SLC25A21: variants seen among roughly 807,000 people sequenced by gnomAD.
SLC25A21 encodes the protein mitochondrial 2-oxodicarboxylate carrier.
Under a neutral mutation model 43.8 loss-of-function variants are expected in SLC25A21, and 47 were observed. That is an observed-to-expected ratio of 1.07 (90% CI 0.85 to 1.37). The LOEUF (loss-of-function observed/expected upper bound fraction) is 1.37. Among genes scored for constraint, SLC25A21 ranks in the 40% most tolerant of loss-of-function variants. SLC25A21 has a pLI of 0.00. For missense variants in SLC25A21, 352 were observed against 350.2 expected (o/e 1.00, Z -0.04); for synonymous variants, 131 against 121.3 (o/e 1.08, Z -0.52).
chr14:37,000,004 G>A (rs563045309), intron 1 of SLC25A21, among the ~76,000 whole-genome samples: 15 of 152,222 alleles, frequency 9.9e-5, no homozygotes, highest in East Asian at 7.7e-4. Flanking sequence ...AATAGTGAAC[G>A]AATAAATGAA....
At chr14:36,837,914 C>G (rs1566661929) in intron 2 of SLC25A21, among the ~76,000 whole-genome samples, 1 of 152,200 alleles carries the variant, frequency 6.6e-6, no homozygotes, top group Non-Finnish European at 1.5e-5. Context: ...AGTGCCGGGA[C>G]AGCAGGGTCT....
chr14:37,019,005 T>G (rs574379144), intron 1 of SLC25A21, among the ~76,000 whole-genome samples: 38 of 152,146 alleles, frequency 2.5e-4, no homozygotes, highest in African/African-American at 9.1e-4. Flanking sequence ...CTCCATCCTC[T>G]GCAATTGCAT....
chr14:37,057,202 G>T (rs2138806712), intron 1 of SLC25A21, among the ~76,000 whole-genome samples: 1 of 152,164 alleles, frequency 6.6e-6, no homozygotes, highest in East Asian at 1.9e-4. Context: ...ACTATTTTTA[G>T]CTTTTGCAGT....
chr14:36,962,287 A>G (rs1414865243), intron 1 of SLC25A21, among the ~76,000 whole-genome samples: 1 of 152,210 alleles, frequency 6.6e-6, no homozygotes, highest in Non-Finnish European at 1.5e-5. Flanking sequence ...ACGGTGAAGC[A>G]GATTAACATC....
chr14:36,701,756 A>G (rs1460070519), intron 7 of SLC25A21, among the ~76,000 whole-genome samples: 3 of 152,202 alleles, frequency 2.0e-5, no homozygotes, highest in Non-Finnish European at 4.4e-5. Context: ...TATTATATAG[A>G]ATACAGGAAA....
At chr14:36,864,751 C>T (rs989676662) in intron 2 of SLC25A21, among the ~76,000 whole-genome samples, 4 of 152,150 alleles carry the variant, frequency 2.6e-5, no homozygotes, top group African/African-American at 9.7e-5. Flanking sequence ...ACTTCAGAAA[C>T]ATTCTATCCA....
intron 7 of SLC25A21, among the ~76,000 whole-genome samples, chr14:36,697,026 T>C (rs1158487892): frequency 6.6e-6 from 1 of 152,366 alleles, no homozygotes; most frequent in South Asian, 2.1e-4. Flanking sequence ...AGATCTTTCC[T>C]GCTTTCTCTT....
At chr14:36,742,411 C>T (rs557772499) in intron 3 of SLC25A21, among the ~76,000 whole-genome samples, 1 of 152,212 alleles carries the variant, frequency 6.6e-6, no homozygotes, top group Non-Finnish European at 1.5e-5. Context: ...ACACTACACA[C>T]TACACACTAC....
chr14:37,012,063 G>A (rs182599938), intron 1 of SLC25A21, among the ~76,000 whole-genome samples: 1 of 152,170 alleles, frequency 6.6e-6, no homozygotes. Flanking sequence ...TAGTCAGCTG[G>A]GCTATGCTCT....
chr14:37,151,697 TC>T (rs1013208454), intron 1 of SLC25A21, among the ~76,000 whole-genome samples: 1 of 152,198 alleles, frequency 6.6e-6, no homozygotes, highest in African/African-American at 2.4e-5. Flanking sequence ...TCTGTGTCTG[TC>T]ATCAGCCTTG....
At chr14:36,970,539 G>C (rs1046313428) in intron 1 of SLC25A21, among the ~76,000 whole-genome samples, 2 of 152,136 alleles carry the variant, frequency 1.3e-5, no homozygotes, top group Non-Finnish European at 2.9e-5. Context: ...AGGGAATTAA[G>C]TCAACAATTA....
At chr14:37,121,567 C>A (rs1239196838) in intron 1 of SLC25A21, among the ~76,000 whole-genome samples, 1 of 152,096 alleles carries the variant, frequency 6.6e-6, no homozygotes, top group Non-Finnish European at 1.5e-5. Context: ...GTGGGCAGAT[C>A]ACTTGAGGCC....
chr14:36,864,977 C>A (rs1452550229), intron 2 of SLC25A21, among the ~76,000 whole-genome samples: 1 of 151,532 alleles, frequency 6.6e-6, no homozygotes, highest in Non-Finnish European at 1.5e-5. Context: ...CCATCCTCAC[C>A]TTTTCCTTGT....
At chr14:37,129,454 G>A (rs550969593) in intron 1 of SLC25A21, among the ~76,000 whole-genome samples, 8 of 152,190 alleles carry the variant, frequency 5.3e-5, no homozygotes, top group South Asian at 2.1e-4. Flanking sequence ...CAATGATCCC[G>A]ATTTACCCAG....
In SLC25A21 at chr14:36,680,038, T is replaced by C; in HGVS notation, c.*620A>G. On this transcript the variant is annotated 3_prime_UTR_variant, in exon 10 of 10. Transcript: ENST00000331299. ...AGCAATATGAGATATAAAGTAGATG[T>C]AGGAAAATAGAGCTGATATGTGCAT... is the stretch of plus-strand genomic sequence containing the variant. 1 of 862,380 alleles carries C rather than the reference T, an allele frequency of 1.2e-6. No homozygotes were observed. The highest frequency in any genetic ancestry group is 1.4e-6 in the Non-Finnish European group (1 of 720,458). 53.4% of individuals were successfully genotyped at this position (862,380 alleles called of 1,614,324 possible).
chr14:37,074,144 T>A (rs906870312), intron 1 of SLC25A21, among the ~76,000 whole-genome samples: 4 of 151,442 alleles, frequency 2.6e-5, no homozygotes, highest in African/African-American at 9.7e-5. Flanking sequence ...CAACTTAATA[T>A]AAATGAACAA....
chr14:37,049,731 A>G (rs7161715), intron 1 of SLC25A21, among the ~76,000 whole-genome samples: 2 of 152,180 alleles, frequency 1.3e-5, no homozygotes, highest in Admixed American at 1.3e-4. Flanking sequence ...AAAAAGAAAT[A>G]GGTGAAATTA....
At chr14:36,714,871 T>G (rs1017724044) in intron 6 of SLC25A21, among the ~76,000 whole-genome samples, 1 of 152,148 alleles carries the variant, frequency 6.6e-6, no homozygotes, top group African/African-American at 2.4e-5. Flanking sequence ...TTCCTTGGAC[T>G]CCAAATCTGT....
At chr14:36,733,120 A>G (rs12881845) in intron 4 of SLC25A21, among the ~76,000 whole-genome samples, 1 of 152,198 alleles carries the variant, frequency 6.6e-6, no homozygotes, top group African/African-American at 2.4e-5. Context: ...CATAATATTA[A>G]GAAAAAAATA....
Sources: allele counts gnomAD v4.1 joint callset (sites outside exome capture counted in the v4.1 genomes callset), GRCh38; gene constraint gnomAD v4.1.1; transcripts MANE v1.5; gene names NCBI Gene and HGNC (gene_info 2026-07-23, HGNC 2026-07-21).